LRP1B: variants seen among roughly 807,000 people sequenced by gnomAD.
The protein encoded by LRP1B is low-density lipoprotein receptor-related protein 1B.
LRP1B carries 217 observed loss-of-function variants against 556.6 expected under a neutral mutation model. That is an observed-to-expected ratio of 0.39 (90% CI 0.35 to 0.44). The LOEUF is 0.44. Ranked by LOEUF, LRP1B falls within the 20% of genes least tolerant of loss-of-function variation. The pLI, the probability that LRP1B is intolerant of heterozygous loss-of-function variation, is 1.00. For missense variants in LRP1B, 5,053 were observed against 5,620.8 expected (o/e 0.90, Z 3.23); for synonymous variants, 2,047 against 1,865.8 (o/e 1.10, Z -2.50).
chr2:141,795,857 A>AAAAAATATATATATATATAT (rs1491180183), intron 2 of LRP1B, among the ~76,000 whole-genome samples: 1 of 51,612 alleles, frequency 1.9e-5, no homozygotes, highest in African/African-American at 7.4e-5. Flanking sequence ...AACCAGGAGC[A>AAAAAATATATATATATATAT]ATATATATAT....
At chr2:141,087,028 T>C (rs1700063935) in intron 7 of LRP1B, among the ~76,000 whole-genome samples, 1 of 152,188 alleles carries the variant, frequency 6.6e-6, no homozygotes, top group Non-Finnish European at 1.5e-5. Context: ...ATAGCACTGA[T>C]GGTAAATATA....
intron 43 of LRP1B, among the ~76,000 whole-genome samples, chr2:140,573,855 C>G (rs958652487): frequency 2.3e-4 from 35 of 152,096 alleles, no homozygotes; most frequent in African/African-American, 8.4e-4. Flanking sequence ...GTTGGCCCGG[C>G]AATTCTCACA....
intron 3 of LRP1B, among the ~76,000 whole-genome samples, chr2:141,260,493 GA>G (rs758267410): frequency 0.082 from 47 of 576 alleles, no homozygotes; most frequent in Non-Finnish European, 0.33. Flanking sequence ...AAGGTGATTA[GA>G]AGTTGGCAGT....
chr2:141,376,965 A>G (rs1689461792), intron 3 of LRP1B, among the ~76,000 whole-genome samples: 1 of 152,194 alleles, frequency 6.6e-6, no homozygotes, highest in African/African-American at 2.4e-5. Flanking sequence ...CGCTTTATTT[A>G]CATTAGATAT....
rs900614676 is a variant in LRP1B at position 141,535,048 on chromosome 2, C to T, written c.206-54515G>A. Among the ~76,000 whole-genome samples the T allele has an allele frequency of 2.0e-5, 3 of 152,132 alleles. No individual in the cohort carries two copies. The South Asian group carries it at 6.2e-4, about 31-fold the overall frequency. ...TTAACTTTTACACAGCCATCAATTC[C>T]TGTGGAGGCTCTCTCACATGGCTGT... is the stretch of plus-strand genomic sequence containing the variant. On this transcript the variant is annotated intron_variant, in intron 2 of 90. Coordinates refer to ENST00000389484, the MANE Select transcript of LRP1B (RefSeq NM_018557.3).
chr2:141,731,969 T>G (rs1693290461), intron 2 of LRP1B, among the ~76,000 whole-genome samples: 1 of 152,174 alleles, frequency 6.6e-6, no homozygotes, highest in South Asian at 2.1e-4. Flanking sequence ...GACACCACTC[T>G]ATCCCAGCTC....
chr2:140,700,225 T>A (rs1686582933), intron 41 of LRP1B, 25 bp downstream of exon 41: 1 of 1,582,558 alleles, frequency 6.3e-7, no homozygotes, highest in Admixed American at 1.7e-5. Context: ...TTTCCACCTA[T>A]TTAAAATTGA....
At chr2:140,332,702 A>T (rs1186202781) in intron 79 of LRP1B, among the ~76,000 whole-genome samples, 1 of 151,990 alleles carries the variant, frequency 6.6e-6, no homozygotes, top group Non-Finnish European at 1.5e-5. Context: ...ACTAGCCTCG[A>T]CCTGAAACAC....
chr2:140,537,526 T>C (rs1679964366), intron 45 of LRP1B, among the ~76,000 whole-genome samples: 2 of 151,986 alleles, frequency 1.3e-5, no homozygotes, highest in African/African-American at 4.8e-5. Context: ...GTCCCATCCA[T>C]GTGTGGGAGG....
At chr2:141,056,040 T>C (rs1248592750) in intron 9 of LRP1B, among the ~76,000 whole-genome samples, 1 of 151,902 alleles carries the variant, frequency 6.6e-6, no homozygotes, top group Non-Finnish European at 1.5e-5. Flanking sequence ...ATGTTTCTTT[T>C]AGATCACCCA....
chr2:141,487,475 C>T (rs1683162466), intron 2 of LRP1B, among the ~76,000 whole-genome samples: 1 of 152,180 alleles, frequency 6.6e-6, no homozygotes, highest in Non-Finnish European at 1.5e-5. Flanking sequence ...ACAGATTCTA[C>T]AAATGCTACT....
intron 1 of LRP1B, among the ~76,000 whole-genome samples, chr2:142,025,029 C>G (rs960417175): frequency 6.6e-6 from 1 of 151,958 alleles, no homozygotes; most frequent in Non-Finnish European, 1.5e-5. Context: ...GAAAGAAAAC[C>G]AAAGCAGAGG....
intron 3 of LRP1B, among the ~76,000 whole-genome samples, chr2:141,454,283 T>C (rs1341009726): frequency 6.6e-6 from 1 of 152,184 alleles, no homozygotes; most frequent in African/African-American, 2.4e-5. Flanking sequence ...CCAATAATGT[T>C]CTTTTTCATT....
rs1377298929 is a variant in LRP1B, at chr2:140,840,629, G to T, written c.5114+289C>A. The stretch of plus-strand genomic sequence containing the variant: ...TTAACCACTGGCTTTCAAAATGAAA[G>T]CAACCACTTTCTCCTACATCTCTTT... On this transcript the variant is annotated intron_variant, in intron 30 of 90. Transcript: ENST00000389484. 2.6e-5 allele frequency among the ~76,000 whole-genome samples: 4 copies of T among 152,154 alleles called. No individual in the cohort carries two copies. The East Asian group carries it at 7.7e-4, about 29-fold the overall frequency.
At chr2:140,410,093 A>G (rs1684908190) in intron 66 of LRP1B, among the ~76,000 whole-genome samples, 1 of 152,116 alleles carries the variant, frequency 6.6e-6, no homozygotes, top group African/African-American at 2.4e-5. Flanking sequence ...ATAAATACGG[A>G]CAACATTGCA....
intron 77 of LRP1B, among the ~76,000 whole-genome samples, chr2:140,339,149 C>T (rs1681247917): frequency 6.6e-6 from 1 of 151,744 alleles, no homozygotes; most frequent in African/African-American, 2.4e-5. Flanking sequence ...ACCCTTACAT[C>T]TTACAAAAAA....
chr2:140,524,904 C>T (rs1437843743), intron 49 of LRP1B, among the ~76,000 whole-genome samples: 1 of 151,558 alleles, frequency 6.6e-6, no homozygotes, highest in African/African-American at 2.4e-5. Context: ...TGCAGTATAC[C>T]CAAGTAATAA....
intron 18 of LRP1B, among the ~76,000 whole-genome samples, chr2:140,960,865 A>C (rs1282268070): frequency 6.6e-6 from 1 of 151,988 alleles, no homozygotes; most frequent in Non-Finnish European, 1.5e-5. Flanking sequence ...ATTGAAAATC[A>C]TTGTAAATTA....
At chr2:141,358,164 A>G (rs1214985643) in intron 3 of LRP1B, among the ~76,000 whole-genome samples, 1 of 152,236 alleles carries the variant, frequency 6.6e-6, no homozygotes, top group Admixed American at 6.5e-5. Context: ...CTACTCCAAA[A>G]TATGCAGAGT....
Sources: gnomAD v4.1 joint callset for allele counts (sites outside exome capture counted in the v4.1 genomes callset) on GRCh38, gnomAD v4.1.1 for gene constraint, MANE v1.5 for transcripts, NCBI Gene and HGNC (gene_info 2026-07-23, HGNC 2026-07-21) for gene names.